The following AHCYL2 variants were observed in gnomAD, a reference collection of about 807,000 sequenced individuals.
AHCYL2 encodes S-adenosylhomocysteine hydrolase-like protein 2.
In AHCYL2, 28 loss-of-function variants were observed where a neutral mutation model predicts 81.4. The observed-to-expected ratio is 0.34, with a 90% CI of 0.25 to 0.47. The LOEUF (loss-of-function observed/expected upper bound fraction) is 0.47, where lower values mean the gene tolerates loss of function less well. Among genes scored for constraint, AHCYL2 ranks in the 20% least tolerant of loss-of-function variants. The pLI, the probability that AHCYL2 is intolerant of heterozygous loss-of-function variation, is 1.00. For missense variants in AHCYL2, 551 were observed against 785.1 expected (o/e 0.70, Z 3.56); for synonymous variants, 272 against 290.2 (o/e 0.94, Z 0.64).
intron 1 of AHCYL2, among the ~76,000 whole-genome samples, chr7:129,336,020 G>GTTTCTTTTCT (rs200433872): frequency 6.8e-6 from 1 of 147,934 alleles, no homozygotes; most frequent in African/African-American, 2.5e-5. Context: ...AAGTACTGAA[G>GTTTCTTTTCT]TTTCTTTTCT....
intron 6 of AHCYL2, 95 bp from the exon 7 acceptor site, chr7:129,403,284 A>C: frequency 1.4e-6 from 1 of 716,250 alleles, no homozygotes; most frequent in Non-Finnish European, 2.2e-6. Flanking sequence ...AATATCTGTA[A>C]ATTGCTAATT....
At chr7:129,394,440 CTTT>C (rs35797517) in intron 4 of AHCYL2, among the ~76,000 whole-genome samples, 3 of 45,738 alleles carry the variant, frequency 6.6e-5, no homozygotes, top group Non-Finnish European at 1.2e-4. Context: ...TTGTATTTGA[CTTT>C]TTTTTTTTTT....
intron 1 of AHCYL2, among the ~76,000 whole-genome samples, chr7:129,331,662 T>C (rs954594624): frequency 6.7e-6 from 1 of 150,112 alleles, no homozygotes; most frequent in Non-Finnish European, 1.5e-5. Context: ...GCCAAAATAA[T>C]GAAACCCCGT....
chr7:129,311,080 C>G (rs1227559471), intron 1 of AHCYL2, among the ~76,000 whole-genome samples: 1 of 151,210 alleles, frequency 6.6e-6, no homozygotes, highest in Non-Finnish European at 1.5e-5. Flanking sequence ...TGCACTCCAG[C>G]CTGGGCAAGA....
intron 4 of AHCYL2, among the ~76,000 whole-genome samples, chr7:129,390,818 G>T (rs891197321): frequency 5.9e-5 from 9 of 152,186 alleles, no homozygotes; most frequent in African/African-American, 2.2e-4. Context: ...CCTACCGAGG[G>T]GCGTGGAATT....
Position 129,426,529 on chromosome 7 carries a change from A to G in AHCYL2, c.1795A>G (p.Asn599Asp). Residue 599 changes from asparagine (N) to aspartate (D), a missense_variant, in exon 16 of 17, where the codon AAC (asparagine) becomes GAC (aspartate). By Grantham distance (23) the Asn-to-Asp change is conservative (BLOSUM62 1). Around this residue, in one of 2 missense-constraint regions of AHCYL2, gnomAD observed 316 missense variants for 543.1 expected, o/e 0.58. Transcript: ENST00000325006. The surrounding 1 kb of genome is among the most constrained non-coding windows in gnomAD (Gnocchi z 4.3). ...TGAACAGGCCAAGTATCTGGGACTC[A>G]ACAAGAATGGGCCCTTCAAGCCTAA... ...TDEQAKYLGL[N>D]KNGPFKPNYY... 1 of 1,614,064 alleles carries G rather than the reference A, an allele frequency of 6.2e-7. No individual in the cohort carries two copies. Among genetic ancestry groups the G allele is most frequent in the Non-Finnish European group, 8.5e-7 (1 of 1,179,962 alleles).
chr7:129,262,977 C>T (rs1471985948), intron 1 of AHCYL2, among the ~76,000 whole-genome samples: 1 of 151,992 alleles, frequency 6.6e-6, no homozygotes, highest in Admixed American at 6.6e-5. Context: ...GAGGTGGGAC[C>T]ATAAAAGAAA....
At chr7:129,407,115 TGAGGCA>T (rs1175938889) in intron 10 of AHCYL2, among the ~76,000 whole-genome samples, 1 of 152,162 alleles carries the variant, frequency 6.6e-6, no homozygotes, top group Non-Finnish European at 1.5e-5. Flanking sequence ...TTTGGGAGGC[TGAGGCA>T]GGAGGATTGC....
intron 1 of AHCYL2, among the ~76,000 whole-genome samples, chr7:129,242,830 T>G (rs1471542198): frequency 3.3e-5 from 5 of 152,132 alleles, no homozygotes; most frequent in Admixed American, 1.3e-4. Context: ...CTTACTAATA[T>G]GTGGTGTCGT....
At position 129,285,289 on chromosome 7, in the gene AHCYL2, G is replaced by A. The variant is rs73232738; in HGVS notation, c.363+59850G>A. On this transcript the variant is annotated intron_variant, in intron 1 of 16. Transcript: ENST00000325006. ...TCTGAGGCCTCCTGGAGTCATTCTT[G>A]CAAGAGTTCACACAAGTTTGTTGAA... Among the ~76,000 whole-genome samples the A allele has an allele frequency of 4.2e-3, 642 of 152,276 alleles. 4 individuals are homozygous for A. The highest frequency in any genetic ancestry group is 0.01 in the Middle Eastern group (3 of 294).
intron 1 of AHCYL2, among the ~76,000 whole-genome samples, chr7:129,306,876 T>C (rs1797462266): frequency 6.6e-6 from 1 of 152,222 alleles, no homozygotes; most frequent in South Asian, 2.1e-4. Context: ...CTCGATGGTC[T>C]TGGGTAAGAT....
Position 129,225,037 on chromosome 7 carries a change from G to A in AHCYL2, c.-40G>A, listed in dbSNP as rs753115785. The A allele has an allele frequency of 2.6e-6, 4 of 1,562,010 alleles. No individual in the cohort carries two copies. The highest frequency in any genetic ancestry group is 3.5e-6 in the Non-Finnish European group (4 of 1,155,758). On this transcript the variant is annotated 5_prime_UTR_variant, in exon 1 of 17. Coordinates refer to ENST00000325006, the MANE Select transcript of AHCYL2 (RefSeq NM_015328.4). Reference sequence around the variant, plus strand: ...TGGGAGGCGGGGCCGACCAAGAGCAGGAGCTGGAGTCTGAGCCGGTGGTTG... The same window carrying A: ...TGGGAGGCGGGGCCGACCAAGAGCAAGAGCTGGAGTCTGAGCCGGTGGTTG...
At chr7:129,271,576 A>G (rs1796019074) in intron 1 of AHCYL2, among the ~76,000 whole-genome samples, 2 of 152,120 alleles carry the variant, frequency 1.3e-5, no homozygotes, top group South Asian at 4.1e-4. Context: ...CCAGATGTAA[A>G]ATAATATATA....
chr7:129,280,255 T>C (rs745360005), intron 1 of AHCYL2, among the ~76,000 whole-genome samples: 16 of 143,892 alleles, frequency 1.1e-4, no homozygotes, highest in South Asian at 4.4e-4. Flanking sequence ...CTGCAACCTC[T>C]GCCTCCTTTG....
At chr7:129,341,852 C>T (rs1272426017) in intron 1 of AHCYL2, among the ~76,000 whole-genome samples, 5 of 152,138 alleles carry the variant, frequency 3.3e-5, no homozygotes, top group South Asian at 2.1e-4. Context: ...AATCTGTCCA[C>T]GATCTTGAGA....
intron 1 of AHCYL2, among the ~76,000 whole-genome samples, chr7:129,294,924 G>A (rs1361517415): frequency 6.6e-6 from 1 of 152,210 alleles, no homozygotes; most frequent in African/African-American, 2.4e-5. Flanking sequence ...TGTGTTGAAT[G>A]TGTGTTTGCT....
intron 1 of AHCYL2, among the ~76,000 whole-genome samples, chr7:129,236,402 T>C (rs1455834092): frequency 6.6e-6 from 1 of 151,980 alleles, no homozygotes; most frequent in Non-Finnish European, 1.5e-5. Context: ...GGTTTCACGG[T>C]GTTGCCCAGG....
At chr7:129,342,292 C>A (rs746199956) in intron 1 of AHCYL2, among the ~76,000 whole-genome samples, 22 of 152,008 alleles carry the variant, frequency 1.4e-4, no homozygotes, top group Non-Finnish European at 2.9e-4. Context: ...AAGGTAATAT[C>A]CAGAAGAAAC....
intron 1 of AHCYL2, among the ~76,000 whole-genome samples, chr7:129,293,007 G>A (rs1038928034): frequency 3.3e-5 from 5 of 152,082 alleles, no homozygotes; most frequent in Admixed American, 2.0e-4. Context: ...TAGAGATGGG[G>A]TCTCACTGTG....
Sources: allele counts gnomAD v4.1 joint callset (sites outside exome capture counted in the v4.1 genomes callset), GRCh38; gene constraint gnomAD v4.1.1; regional missense constraint gnomAD v4.1.1; non-coding constraint Gnocchi (gnomAD v3.1); transcripts MANE v1.5; gene names NCBI Gene and HGNC (gene_info 2026-07-23, HGNC 2026-07-21).